The following SSPN variants were observed in gnomAD, a reference collection of about 807,000 sequenced individuals.
SSPN encodes K-ras oncogene-associated protein.
Under a neutral mutation model 19.1 loss-of-function variants are expected in SSPN, and 15 were observed. The ratio of observed to expected loss-of-function variants is 0.78; its 90% CI spans 0.52 to 1.21. The LOEUF (loss-of-function observed/expected upper bound fraction) is 1.21. Among genes scored for constraint, SSPN ranks in the 50% most tolerant of loss-of-function variants. The pLI, the probability that SSPN is intolerant of heterozygous loss-of-function variation, is 0.00. For synonymous variants in SSPN, 147 were observed against 140.3 expected (o/e 1.05, Z -0.34); for missense variants, 291 against 314.0 (o/e 0.93, Z 0.55).
chr12:26,129,889 G>T (rs764210616), intron 1 of SSPN, among the ~76,000 whole-genome samples: 1 of 152,124 alleles, frequency 6.6e-6, no homozygotes, highest in Non-Finnish European at 1.5e-5. Context: ...ATTCATGCAG[G>T]CTGTTCTGCA....
intron 1 of SSPN, among the ~76,000 whole-genome samples, chr12:26,156,838 A>G (rs1160700148): frequency 1.3e-5 from 2 of 152,198 alleles, no homozygotes; most frequent in Non-Finnish European, 2.9e-5. Context: ...GGCTTATAGC[A>G]TAGGTTTGTG....
At chr12:26,161,929 C>T (rs933807027) in intron 1 of SSPN, among the ~76,000 whole-genome samples, 3 of 152,232 alleles carry the variant, frequency 2.0e-5, no homozygotes, top group Non-Finnish European at 4.4e-5. Context: ...GCCGCTCACC[C>T]CATGCTGTGC....
intron 1 of SSPN, among the ~76,000 whole-genome samples, chr12:26,145,459 A>G (rs1320093193): frequency 6.6e-6 from 1 of 152,124 alleles, no homozygotes; most frequent in East Asian, 1.9e-4. Context: ...ATGTGTGTCA[A>G]TGGAATTGGG....
chr12:26,168,040 C>T (rs1591858859), intron 1 of SSPN, among the ~76,000 whole-genome samples: 1 of 151,690 alleles, frequency 6.6e-6, no homozygotes, highest in South Asian at 2.1e-4. Context: ...GTGGTGAAAC[C>T]CCATCTCTAC....
At chr12:26,212,313 A>C (rs768929866) in intron 1 of SSPN, among the ~76,000 whole-genome samples, 31 of 152,334 alleles carry the variant, frequency 2.0e-4, no homozygotes, top group African/African-American at 7.5e-4. Flanking sequence ...GATGTTAAAC[A>C]TGAGCTAGAC....
chr12:26,143,139 A>G (rs181557379), intron 1 of SSPN, among the ~76,000 whole-genome samples: 3 of 152,332 alleles, frequency 2.0e-5, no homozygotes, highest in Admixed American at 6.5e-5. Flanking sequence ...CACTGAATAT[A>G]GCAGATATTT....
At chr12:26,230,049 G>T (rs745526615) in intron 2 of SSPN, among the ~76,000 whole-genome samples, 21 of 152,120 alleles carry the variant, frequency 1.4e-4, no homozygotes, top group Admixed American at 6.5e-5. Flanking sequence ...GTTTTTTCAG[G>T]CTCAGGAATC....
At position 26,137,656 on chromosome 12, in the gene SSPN, ATTTTTTTTTTTTTTTT is replaced by A. The variant is rs10597345; in HGVS notation, c.-31+15515_-31+15530del. On this transcript the variant is annotated intron_variant, in intron 1 of 2. Transcript: ENST00000538142. Reference sequence around the variant, plus strand: ...TGTATGTATATATATATATATATATATTTTTTTTTTTTTTTTTTTTTTTTTTGAGATGGAGTCTTGC... The same window carrying A: ...TGTATGTATATATATATATATATATATTTTTTTTTTGAGATGGAGTCTTGC... 8.6e-3 allele frequency among the ~76,000 whole-genome samples: 655 copies of A among 76,444 alleles called. 27 individuals are homozygous for A. Among genetic ancestry groups the A allele is most frequent in the African/African-American group, 0.041 (619 of 15,276 alleles). The allele number at this position is 76,444 out of a possible 152,430, so 50.2% of individuals were successfully genotyped here.
rs924197702 is a variant in SSPN, at chr12:26,233,810, G to A, written c.*2734G>A. 7 of 152,210 alleles carry A rather than the reference G, an allele frequency of 4.6e-5. No homozygotes were observed. Among genetic ancestry groups the A allele is most frequent in the African/African-American group, 1.2e-4 (5 of 41,440 alleles). 9.4% of individuals were successfully genotyped at this position (152,210 alleles called of 1,614,324 possible). On this transcript the variant is annotated 3_prime_UTR_variant, in exon 3 of 3. Coordinates refer to ENST00000242729, the MANE Select transcript of SSPN (RefSeq NM_005086.5). The surrounding 1 kb of genome is among the most constrained non-coding windows in gnomAD (Gnocchi z 4.3). ...GACTTTGGAAAGACGGGGAAGAGCCGGGACTTGGCAGTACTTGAAACAGGA... is the reference window on the plus strand; with the variant it reads ...GACTTTGGAAAGACGGGGAAGAGCCAGGACTTGGCAGTACTTGAAACAGGA...
In SSPN at chr12:26,233,308, T is replaced by G. The variant is rs1370954007; in HGVS notation, c.*2232T>G. 2.1e-5 allele frequency: 3 copies of G among 145,006 alleles called. No homozygotes were observed. Among genetic ancestry groups the G allele is most frequent in the African/African-American group, 8.5e-5 (3 of 35,402 alleles). 9.0% of individuals were successfully genotyped at this position (145,006 alleles called of 1,614,324 possible). On this transcript the variant is annotated 3_prime_UTR_variant, in exon 3 of 3. Transcript: ENST00000242729. This position sits in a 1 kb window ranked among gnomAD's most constrained non-coding sequence, Gnocchi z 4.3. ...GTAAGAGTTGACATTGTAATAAGCT[T>G]TATAATAGTATAACCGTCAGGAGAT...
chr12:26,147,050 T>A (rs1302592723), intron 1 of SSPN, among the ~76,000 whole-genome samples: 1 of 151,978 alleles, frequency 6.6e-6, no homozygotes, highest in Non-Finnish European at 1.5e-5. Context: ...AGATTTCAGG[T>A]TGGTAGGGTT....
chr12:26,226,263 A>G (rs1464180564), intron 2 of SSPN, among the ~76,000 whole-genome samples: 3 of 152,050 alleles, frequency 2.0e-5, no homozygotes, highest in African/African-American at 7.2e-5. Flanking sequence ...TGCTTCTCAC[A>G]CTACTGGGGG....
intron 2 of SSPN, among the ~76,000 whole-genome samples, chr12:26,226,512 T>C (rs1945177872): frequency 1.3e-5 from 2 of 152,068 alleles, no homozygotes; most frequent in Admixed American, 1.3e-4. Context: ...CTTTTTTTTT[T>C]CTCAAGCTGG....
At chr12:26,208,502 T>C (rs1017109499) in intron 1 of SSPN, among the ~76,000 whole-genome samples, 7 of 152,178 alleles carry the variant, frequency 4.6e-5, no homozygotes, top group African/African-American at 1.7e-4. Flanking sequence ...TGGTTTTAGG[T>C]ACTACAAATA....
Position 26,196,012 on chromosome 12 carries a change from G to A in SSPN, c.279+61G>A, listed in dbSNP as rs1002570675. The A allele has an allele frequency of 3.4e-5, 46 of 1,345,326 alleles. 1 individual carries two copies. The African/African-American group carries it at 6.9e-4, about 20-fold the overall frequency. 83.3% of individuals were successfully genotyped at this position (1,345,326 alleles called of 1,614,324 possible). ...CCAAACAGGAATGCGAAGTCGCATG[G>A]TCGAGTTGAGACTAACCCAGCTGCA... On this transcript the variant is annotated intron_variant, in intron 1 of 2. Transcript: ENST00000242729.
At chr12:26,152,787 C>T (rs1474821103) in intron 1 of SSPN, among the ~76,000 whole-genome samples, 2 of 152,194 alleles carry the variant, frequency 1.3e-5, no homozygotes, top group African/African-American at 4.8e-5. Flanking sequence ...AACCCTTCAA[C>T]GTCTTCCTGT....
At position 26,231,642 on chromosome 12, in the gene SSPN, G is replaced by C. The variant is rs1042124914; in HGVS notation, c.*566G>C. On this transcript the variant is annotated 3_prime_UTR_variant, in exon 3 of 3. Coordinates refer to ENST00000242729, the MANE Select transcript of SSPN (RefSeq NM_005086.5). ...AGAAACGGAAGAGGCTTTGCAAAAGGCTAGATAACTAACAACACCTGGGTT... is the reference window on the plus strand; with the variant it reads ...AGAAACGGAAGAGGCTTTGCAAAAGCCTAGATAACTAACAACACCTGGGTT... 1.3e-5 allele frequency: 2 copies of C among 152,950 alleles called. No homozygotes were observed. Among genetic ancestry groups the C allele is most frequent in the East Asian group, 1.9e-4 (1 of 5,184 alleles). 9.5% of individuals were successfully genotyped at this position (152,950 alleles called of 1,614,324 possible). A position where few individuals can be genotyped will look rare whatever the true frequency, so the allele number is the denominator to read the frequency against.
chr12:26,132,722 C>T (rs543759572), intron 1 of SSPN, among the ~76,000 whole-genome samples: 10 of 152,160 alleles, frequency 6.6e-5, no homozygotes, highest in East Asian at 1.9e-4. Flanking sequence ...GGCTCCTGTT[C>T]GGCTCTCCAC....
chr12:26,212,482 A>G (rs1464151420), intron 1 of SSPN, among the ~76,000 whole-genome samples: 1 of 152,166 alleles, frequency 6.6e-6, no homozygotes, highest in Non-Finnish European at 1.5e-5. Context: ...CATCTTTGCA[A>G]AGTCAGTATT....
Sources: gnomAD v4.1 joint callset for allele counts (sites outside exome capture counted in the v4.1 genomes callset) on GRCh38, gnomAD v4.1.1 for gene constraint, Gnocchi (gnomAD v3.1) non-coding constraint, MANE v1.5 for transcripts, NCBI Gene and HGNC (gene_info 2026-07-23, HGNC 2026-07-21) for gene names.